The following TRIM16 variants were observed in gnomAD, a reference collection of about 807,000 sequenced individuals.
TRIM16 encodes the protein tripartite motif-containing protein 16.
A neutral mutation model predicts 50.4 loss-of-function variants in TRIM16; 33 were observed. That is an observed-to-expected ratio of 0.65 (90% CI 0.50 to 0.88). The LOEUF (loss-of-function observed/expected upper bound fraction) is 0.88, where lower values mean the gene tolerates loss of function less well. TRIM16 is among the 40% of genes least tolerant of loss of function. The pLI is 0.00. For missense variants in TRIM16, 581 were observed against 686.8 expected (o/e 0.85, Z 1.72); for synonymous variants, 229 against 270.7 (o/e 0.85, Z 1.51).
chr17:15,661,824 A>AC (rs1045318639), intron 6 of TRIM16, among the ~76,000 whole-genome samples: 3 of 151,352 alleles, frequency 2.0e-5, no homozygotes, highest in Non-Finnish European at 4.4e-5. Flanking sequence ...CCACTTTCCC[A>AC]CTCTGACCCT....
chr17:15,638,105 C>T (rs2150905418), intron 8 of TRIM16, among the ~76,000 whole-genome samples: 1 of 129,166 alleles, frequency 7.7e-6, no homozygotes, highest in East Asian at 2.4e-4. Flanking sequence ...GGGACACAAA[C>T]ACTGCGGAAG....
chr17:15,632,407 T>C (rs1270490476), intron 10 of TRIM16, 102 bp downstream of exon 10: 9 of 1,429,666 alleles, frequency 6.3e-6, no homozygotes, highest in Non-Finnish European at 8.4e-6. Flanking sequence ...AAATGAAACA[T>C]TCCCCTGATT....
At chr17:15,680,723 G>T in intron 4 of TRIM16, 142 bp downstream of exon 4, 1 of 847,270 alleles carries the variant, frequency 1.2e-6, no homozygotes. Flanking sequence ...TCAAACTGCT[G>T]TGGCTAATGT....
At chr17:15,659,354 C>T (rs934679168) in intron 6 of TRIM16, among the ~76,000 whole-genome samples, 2 of 152,136 alleles carry the variant, frequency 1.3e-5, no homozygotes, top group East Asian at 1.9e-4. Context: ...TCTCAGACCA[C>T]CCAAGCTTAC....
chr17:15,667,899 C>G (rs1363521464), intron 6 of TRIM16, among the ~76,000 whole-genome samples: 1 of 140,292 alleles, frequency 7.1e-6, no homozygotes, highest in Admixed American at 7.0e-5. Context: ...TTTTTTTTTT[C>G]TAGTGTCCTT....
rs1987708012 is a variant in TRIM16, at chr17:15,651,550, T to TG, written c.59dup (p.Ala21SerfsTer51). 4 of 1,614,014 alleles carry TG rather than the reference T, an allele frequency of 2.5e-6. No homozygotes were observed. Among genetic ancestry groups the TG allele is most frequent in the Non-Finnish European group, 3.4e-6 (4 of 1,179,938 alleles). ...ACCCAGAGTCTGGGCTGAGAGGGGC[T>TG]GGGGGCTGAGCAGTGGCCCTGGGCA... is the stretch of plus-strand genomic sequence containing the variant. On this transcript the variant is annotated frameshift_variant, in exon 7 of 12. Coordinates refer to ENST00000649191, the MANE Select transcript of TRIM16 (RefSeq NM_001348119.1). LOFTEE classifies it high-confidence loss of function.
At chr17:15,669,593 C>T (rs942989445) in intron 6 of TRIM16, among the ~76,000 whole-genome samples, 3 of 152,072 alleles carry the variant, frequency 2.0e-5, no homozygotes, top group Non-Finnish European at 2.9e-5. Flanking sequence ...CTATTTGATT[C>T]TGTCACAAAG....
intron 6 of TRIM16, among the ~76,000 whole-genome samples, chr17:15,676,328 C>T (rs1313732846): frequency 6.6e-6 from 1 of 152,120 alleles, no homozygotes; most frequent in East Asian, 1.9e-4. Context: ...AAACTGAACT[C>T]ATCTTCCACT....
chr17:15,660,637 A>G (rs920491103), intron 6 of TRIM16, among the ~76,000 whole-genome samples: 3 of 151,988 alleles, frequency 2.0e-5, no homozygotes, highest in African/African-American at 7.2e-5. Flanking sequence ...GGTGGCTCAC[A>G]CCTGTAATCC....
At chr17:15,658,865 CCTGT>C in intron 6 of TRIM16, 1 of 985,412 alleles carries the variant, frequency 1.0e-6, no homozygotes, top group Non-Finnish European at 1.2e-6. Context: ...GGTCTCCAGC[CCTGT>C]CTTTCTCCTA....
At chr17:15,659,616 C>A (rs1193764093) in intron 6 of TRIM16, among the ~76,000 whole-genome samples, 1 of 152,194 alleles carries the variant, frequency 6.6e-6, no homozygotes, top group Non-Finnish European at 1.5e-5. Flanking sequence ...CTCTAGTTAC[C>A]TTTATGGCTT....
intron 4 of TRIM16, 73 bp from the exon 5 acceptor site, chr17:15,677,794 T>C: frequency 2.0e-6 from 2 of 976,658 alleles, no homozygotes; most frequent in Non-Finnish European, 2.4e-6. Flanking sequence ...TAAACTATGT[T>C]CACAGTGTCA....
intron 7 of TRIM16, among the ~76,000 whole-genome samples, chr17:15,648,569 GAGT>G (rs754103977): frequency 4.3e-4 from 65 of 152,270 alleles, no homozygotes; most frequent in Non-Finnish European, 7.4e-4. Flanking sequence ...ATGCCTGTCC[GAGT>G]AATTAGCCCT....
rs1487607424 is a variant in TRIM16 at position 15,640,283 on chromosome 17, G to A, written c.615+2438C>T. On this transcript the variant is annotated intron_variant, in intron 8 of 11. Coordinates refer to ENST00000649191, the MANE Select transcript of TRIM16 (RefSeq NM_001348119.1). ...TGGCACATTCACTAGGATGAGCTGG[G>A]GAGGTACAATGGGAGTTCAGCTGAG... is the stretch of plus-strand genomic sequence containing the variant. Among the ~76,000 whole-genome samples, 3 of 148,148 alleles carry A rather than the reference G, an allele frequency of 2.0e-5. 1 individual carries two copies. The South Asian group carries it at 6.6e-4, about 33-fold the overall frequency.
chr17:15,654,023 A>G (rs959436071), intron 6 of TRIM16, among the ~76,000 whole-genome samples: 2 of 152,174 alleles, frequency 1.3e-5, no homozygotes, highest in African/African-American at 4.8e-5. Context: ...GAGGGGTCAG[A>G]TCCACCTAGC....
intron 6 of TRIM16, among the ~76,000 whole-genome samples, chr17:15,666,328 T>G (rs1482531970): frequency 2.6e-5 from 4 of 152,240 alleles, no homozygotes; most frequent in Non-Finnish European, 5.9e-5. Flanking sequence ...GTGATCCTTT[T>G]GCCTTGGCCT....
intron 7 of TRIM16, among the ~76,000 whole-genome samples, chr17:15,648,238 A>C (rs946842261): frequency 2.0e-5 from 3 of 148,856 alleles, no homozygotes; most frequent in East Asian, 2.0e-4. Flanking sequence ...AAAAAAAAAA[A>C]AACAAAAAAC....
rs143720690 is a variant in TRIM16, at chr17:15,644,530, T to C, written c.520-1714A>G. Reference sequence around the variant, plus strand: ...TGGAGGCTTCATGATGTAGGCATGATTGATTACATCACTGGCCATTGGTGA... The same window carrying C: ...TGGAGGCTTCATGATGTAGGCATGACTGATTACATCACTGGCCATTGGTGA... On this transcript the variant is annotated intron_variant, in intron 7 of 11. Transcript: ENST00000649191. Among the ~76,000 whole-genome samples the C allele has an allele frequency of 2.0e-4, 30 of 152,300 alleles. No individual in the cohort carries two copies. The East Asian group carries it at 5.6e-3, about 28-fold the overall frequency.
At chr17:15,674,025 G>T (rs1247533605) in intron 6 of TRIM16, among the ~76,000 whole-genome samples, 1 of 152,082 alleles carries the variant, frequency 6.6e-6, no homozygotes. Flanking sequence ...GGAAAAAAAA[G>T]AAAATTCTAA....
Sources: allele counts gnomAD v4.1 joint callset (sites outside exome capture counted in the v4.1 genomes callset), GRCh38; gene constraint gnomAD v4.1.1; transcripts MANE v1.5; gene names NCBI Gene and HGNC (gene_info 2026-07-23, HGNC 2026-07-21).